Variants in PPP3CC observed in about 807,000 individuals in gnomAD.
The protein encoded by PPP3CC is protein phosphatase 3 catalytic subunit gamma.
Under a neutral mutation model 60.3 loss-of-function variants are expected in PPP3CC, and 35 were observed. That is an observed-to-expected ratio of 0.58 (90% confidence interval 0.44 to 0.77). PPP3CC has a LOEUF of 0.77. PPP3CC is among the 30% of genes least tolerant of loss of function. The pLI, the probability that PPP3CC is intolerant of heterozygous loss-of-function variation, is 0.00. For synonymous variants in PPP3CC, 206 were observed against 224.3 expected (o/e 0.92, Z 0.73); for missense variants, 570 against 628.9 (o/e 0.91, Z 1.00).
At chr8:22,537,067 C>T (rs1405153392) in intron 12 of PPP3CC, among the ~76,000 whole-genome samples, 1 of 152,150 alleles carries the variant, frequency 6.6e-6, no homozygotes, top group Non-Finnish European at 1.5e-5. Context: ...TAAAACAGAT[C>T]AGTTATAAAT....
chr8:22,524,685 T>C (rs1382364099), intron 8 of PPP3CC, among the ~76,000 whole-genome samples: 3 of 152,242 alleles, frequency 2.0e-5, no homozygotes, highest in African/African-American at 7.2e-5. Flanking sequence ...CTTTCTTTTT[T>C]AACTTCATCA....
intron 4 of PPP3CC, among the ~76,000 whole-genome samples, chr8:22,500,972 G>A (rs776032613): frequency 2.6e-5 from 4 of 152,070 alleles, no homozygotes; most frequent in Non-Finnish European, 4.4e-5. Flanking sequence ...TGGTCAACAT[G>A]TTGAAATCCC....
chr8:22,469,683 C>T (rs1194351799), intron 1 of PPP3CC, among the ~76,000 whole-genome samples: 2 of 152,048 alleles, frequency 1.3e-5, no homozygotes, highest in African/African-American at 4.8e-5. Flanking sequence ...CTGAGCTAAG[C>T]TGCAGCCAAC....
chr8:22,525,357 T>C (rs1361576872), intron 8 of PPP3CC, among the ~76,000 whole-genome samples: 2 of 152,232 alleles, frequency 1.3e-5, no homozygotes, highest in South Asian at 4.1e-4. Flanking sequence ...CCTTCTTTTC[T>C]GAAAAAGGGA....
chr8:22,497,063 C>T (rs1016011947), intron 3 of PPP3CC, among the ~76,000 whole-genome samples: 1 of 151,836 alleles, frequency 6.6e-6, no homozygotes, highest in Non-Finnish European at 1.5e-5. Context: ...GAGTTTCGCT[C>T]TTGTTGCCCA....
At chr8:22,510,625 C>G (rs1047583252) in intron 4 of PPP3CC, among the ~76,000 whole-genome samples, 5 of 152,184 alleles carry the variant, frequency 3.3e-5, no homozygotes, top group African/African-American at 1.2e-4. Flanking sequence ...TTCCATCTCT[C>G]TTGCCCCCTC....
chr8:22,531,946 G>A lies in PPP3CC; in HGVS notation c.1142-279G>A, dbSNP rs544515949. Among the ~76,000 whole-genome samples the A allele has an allele frequency of 1.4e-4, 22 of 152,282 alleles. No homozygotes were observed. In the East Asian group the frequency reaches 3.9e-3, roughly 27 times the overall value. On this transcript the variant is annotated intron_variant, in intron 10 of 13. Coordinates refer to ENST00000240139, the MANE Select transcript of PPP3CC (RefSeq NM_005605.5). ...TGTTTTATTCTTTGCTGTGCTCTAC[G>A]TTTCACAACCACAAATAAGTTCCTA...
chr8:22,441,504 C>T (rs1836669887), intron 1 of PPP3CC, 46 bp downstream of exon 1: 12 of 1,501,276 alleles, frequency 8.0e-6, no homozygotes, highest in African/African-American at 1.4e-5. Flanking sequence ...GGGAAACGGC[C>T]TTCGGCTGGG....
chr8:22,523,472 A>G (rs1345419380), intron 8 of PPP3CC, among the ~76,000 whole-genome samples: 1 of 152,186 alleles, frequency 6.6e-6, no homozygotes, highest in East Asian at 1.9e-4. Context: ...GTTGTTTATA[A>G]AGTATGACTA....
chr8:22,477,419 G>C (rs1326658056), intron 3 of PPP3CC, among the ~76,000 whole-genome samples: 5 of 151,690 alleles, frequency 3.3e-5, no homozygotes, highest in African/African-American at 1.2e-4. Flanking sequence ...AGAGGTTGCA[G>C]TGGGCTATTG....
intron 4 of PPP3CC, among the ~76,000 whole-genome samples, chr8:22,502,517 C>T (rs747135628): frequency 6.6e-5 from 10 of 152,076 alleles, no homozygotes; most frequent in Non-Finnish European, 1.5e-4. Context: ...GTAAGACTCT[C>T]TCTCTACAAA....
At chr8:22,455,301 C>CT (rs1438578372) in intron 1 of PPP3CC, among the ~76,000 whole-genome samples, 1 of 152,158 alleles carries the variant, frequency 6.6e-6, no homozygotes, top group African/African-American at 2.4e-5. Flanking sequence ...AAATTTAGAA[C>CT]TATATAGTGA....
At chr8:22,472,051 G>A (rs905145662) in intron 1 of PPP3CC, among the ~76,000 whole-genome samples, 65 of 152,152 alleles carry the variant, frequency 4.3e-4, no homozygotes, top group African/African-American at 1.5e-3. Flanking sequence ...GATCATTTGA[G>A]CCAGGAGGTT....
intron 4 of PPP3CC, among the ~76,000 whole-genome samples, chr8:22,499,890 G>C (rs528186531): frequency 6.6e-6 from 1 of 152,214 alleles, no homozygotes; most frequent in East Asian, 1.9e-4. Context: ...TGAGATTTAT[G>C]TGTATTTATT....
At chr8:22,456,509 C>G (rs1400478308) in intron 1 of PPP3CC, among the ~76,000 whole-genome samples, 2 of 152,140 alleles carry the variant, frequency 1.3e-5, no homozygotes, top group Non-Finnish European at 2.9e-5. Context: ...CCTTCCCTCT[C>G]TTTGCCCGTG....
Position 22,529,722 on chromosome 8 carries a change from T to C in PPP3CC, c.1141+1145T>C, listed in dbSNP as rs554503280. The stretch of plus-strand genomic sequence containing the variant: ...TAGTCTGGAACTCCTGAGCTCAAAG[T>C]GGTCTGCCTGCCTCGGTCTCCCAAA... On this transcript the variant is annotated intron_variant, in intron 10 of 13. Transcript: ENST00000240139. 3.3e-5 allele frequency among the ~76,000 whole-genome samples: 5 copies of C among 152,270 alleles called. No individual in the cohort carries two copies. In the South Asian group the frequency reaches 1.0e-3, roughly 32 times the overall value.
Position 22,441,310 on chromosome 8 carries a change from ACGGCTCCGGG to A in PPP3CC, c.-98_-89del. 1 of 1,222,000 alleles carries A rather than the reference ACGGCTCCGGG, an allele frequency of 8.2e-7. No individual in the cohort carries two copies. The highest frequency in any genetic ancestry group is 1.1e-6 in the Non-Finnish European group (1 of 916,880). 75.7% of individuals were successfully genotyped at this position (1,222,000 alleles called of 1,614,324 possible). On this transcript the variant is annotated 5_prime_UTR_variant, in exon 1 of 14. Transcript: ENST00000240139. Reference sequence around the variant, plus strand: ...AGCCGGGGCCGGGCACGGCTGGCTGACGGCTCCGGGCAGCTAAGGCTGCCCGAGGAGAAGG... The same window carrying A: ...AGCCGGGGCCGGGCACGGCTGGCTGACAGCTAAGGCTGCCCGAGGAGAAGG...
chr8:22,480,185 T>C (rs1459487974), intron 3 of PPP3CC, among the ~76,000 whole-genome samples: 4 of 152,172 alleles, frequency 2.6e-5, no homozygotes, highest in Non-Finnish European at 5.9e-5. Flanking sequence ...AAGTTTACGA[T>C]TGATAAGGAA....
intron 1 of PPP3CC, among the ~76,000 whole-genome samples, chr8:22,453,602 T>C (rs1414114873): frequency 6.6e-6 from 1 of 152,144 alleles, no homozygotes; most frequent in Non-Finnish European, 1.5e-5. Flanking sequence ...CATTTGCATA[T>C]AAGTGAACCA....
Sources: gnomAD v4.1 joint callset for allele counts (sites outside exome capture counted in the v4.1 genomes callset) on GRCh38, gnomAD v4.1.1 for gene constraint, MANE v1.5 for transcripts, NCBI Gene and HGNC (gene_info 2026-07-23, HGNC 2026-07-21) for gene names.